PHACTR1: variants seen among roughly 807,000 people sequenced by gnomAD.
PHACTR1 encodes RPEL repeat containing 1.
Under a neutral mutation model 69.2 loss-of-function variants are expected in PHACTR1, and 16 were observed. The observed-to-expected ratio is 0.23, with a 90% CI of 0.16 to 0.35. The LOEUF (loss-of-function observed/expected upper bound fraction) is 0.35, where lower values mean the gene tolerates loss of function less well. Ranked by LOEUF, PHACTR1 falls within the 10% of genes least tolerant of loss-of-function variation. The probability of loss-of-function intolerance (pLI) is 1.00; values close to 1 mark genes in which losing one functional copy is unlikely to be tolerated. For missense variants in PHACTR1, 510 were observed against 734.7 expected, an observed-to-expected ratio of 0.69 and a Z score of 3.54; for synonymous variants, 312 against 284.5, an observed-to-expected ratio of 1.10 and a Z score of -0.97.
chr6:13,107,118 C>T (rs531268146), intron 5 of PHACTR1, among the ~76,000 whole-genome samples: 32 of 152,044 alleles, frequency 2.1e-4, no homozygotes, highest in African/African-American at 7.5e-4. Flanking sequence ...TACTCTCTTG[C>T]CCCTCTCTCA....
chr6:13,214,541 T>C (rs1470512508), intron 8 of PHACTR1, among the ~76,000 whole-genome samples: 1 of 152,212 alleles, frequency 6.6e-6, no homozygotes, highest in Admixed American at 6.5e-5. Context: ...CTAAGATCGC[T>C]AAGGTGTAGG....
intron 6 of PHACTR1, among the ~76,000 whole-genome samples, chr6:13,177,833 C>T (rs1475384367): frequency 6.6e-6 from 1 of 152,166 alleles, no homozygotes; most frequent in African/African-American, 2.4e-5. Context: ...GTTGTTTCTA[C>T]AAGTATCATA....
chr6:12,995,794 AT>A lies in PHACTR1; in HGVS notation c.251-57564del, dbSNP rs540889498. On this transcript the variant is annotated intron_variant, in intron 4 of 14. Transcript: ENST00000332995. ...AAAACTAATCCAAAATTATAAATGA[AT>A]TTTTTTAAGACACATTTTTTCACAG... Among the ~76,000 whole-genome samples, 733 of 152,098 alleles carry A rather than the reference AT, an allele frequency of 4.8e-3. 9 individuals are homozygous for A. The highest frequency in any genetic ancestry group is 0.016 in the African/African-American group (647 of 41,552).
chr6:13,189,127 A>G (rs540828571), intron 7 of PHACTR1, among the ~76,000 whole-genome samples: 33 of 152,364 alleles, frequency 2.2e-4, no homozygotes, highest in Admixed American at 1.2e-3. Flanking sequence ...AATGAAGGAT[A>G]AATCAATTTA....
rs1781883810 is a variant in PHACTR1 at position 13,287,322 on chromosome 6, T to C, written c.*244T>C. On this transcript the variant is annotated 3_prime_UTR_variant, in exon 15 of 15. Transcript: ENST00000332995. ...CAAAATGCATCCCAACCCCCGGCAG[T>C]GCCAAGGGCACCAGCAGGGCCCTGA... 1 of 544,466 alleles carries C rather than the reference T, an allele frequency of 1.8e-6. No homozygotes were observed. Among genetic ancestry groups the C allele is most frequent in the Admixed American group, 3.4e-5 (1 of 29,790 alleles). 33.7% of individuals were successfully genotyped at this position (544,466 alleles called of 1,614,324 possible).
intron 4 of PHACTR1, among the ~76,000 whole-genome samples, chr6:13,028,960 G>A (rs142811432): frequency 1.3e-5 from 2 of 152,310 alleles, no homozygotes; most frequent in African/African-American, 2.4e-5. Context: ...ATGAACACTG[G>A]CAGAGGGAAG....
intron 4 of PHACTR1, among the ~76,000 whole-genome samples, chr6:13,003,965 G>GTATATATATA (rs772804033): frequency 1.0e-4 from 10 of 96,300 alleles, no homozygotes; most frequent in African/African-American, 5.9e-4. Context: ...ATATATATAT[G>GTATATATATA]TATATATATA....
At chr6:12,802,048 A>G (rs1278883365) in intron 4 of PHACTR1, among the ~76,000 whole-genome samples, 2 of 147,500 alleles carry the variant, frequency 1.4e-5, no homozygotes, top group South Asian at 2.1e-4. Flanking sequence ...CTTTGAATTT[A>G]TATGCCCTTT....
Position 13,173,519 on chromosome 6 carries a change from T to C in PHACTR1, c.497-9000T>C, listed in dbSNP as rs115595733. On this transcript the variant is annotated intron_variant, in intron 6 of 14. Transcript: ENST00000332995. ...TGCCTCAGAAACATTTCCAACTTCT[T>C]AGGCTTAGAGCTTTTAATCCATCGA... 2.7e-3 allele frequency among the ~76,000 whole-genome samples: 405 copies of C among 152,342 alleles called. 3 individuals are homozygous for C. Among genetic ancestry groups the C allele is most frequent in the African/African-American group, 9.3e-3 (388 of 41,572 alleles).
chr6:13,227,906 T>C lies in PHACTR1; in HGVS notation c.1077T>C (p.Leu359=). 6.2e-7 allele frequency: 1 copy of C among 1,613,982 alleles called. No homozygotes were observed. The highest frequency in any genetic ancestry group is 8.5e-7 in the Non-Finnish European group (1 of 1,179,896). ...TCACCAAAGCAGGACCTATGGGCCT[T>C]CCAGAAATAAGACAAGTGCCAACTG... ...DGVTKAGPMG[L]PEIRQVPTVV... Residue 359 remains leucine, a synonymous_variant, in exon 9 of 15, where the codon CTT becomes CTC. Coordinates refer to ENST00000332995, the MANE Select transcript of PHACTR1 (RefSeq NM_030948.6).
chr6:13,168,150 A>C (rs1760085206), intron 6 of PHACTR1, among the ~76,000 whole-genome samples: 1 of 152,238 alleles, frequency 6.6e-6, no homozygotes. Context: ...TGGAGTAACC[A>C]TGTGAAAATG....
rs143148371 is a variant in PHACTR1 at position 12,769,269 on chromosome 6, C to T, written c.250+19479C>T. 1.2e-3 allele frequency among the ~76,000 whole-genome samples: 184 copies of T among 152,334 alleles called. 1 individual carries two copies. The highest frequency in any genetic ancestry group is 3.5e-3 in the African/African-American group (146 of 41,580). ...TAAAGTGGTGGGTACGGTAGTTGCC[C>T]TGATTTGATCATTCATGCTATGTAT... On this transcript the variant is annotated intron_variant, in intron 4 of 14. Coordinates refer to ENST00000332995, the MANE Select transcript of PHACTR1 (RefSeq NM_030948.6).
intron 4 of PHACTR1, among the ~76,000 whole-genome samples, chr6:12,891,299 G>T (rs1355465195): frequency 6.6e-6 from 1 of 151,868 alleles, no homozygotes; most frequent in African/African-American, 2.4e-5. Flanking sequence ...TGCTAAAGTG[G>T]GTAACATGAT....
intron 4 of PHACTR1, among the ~76,000 whole-genome samples, chr6:12,817,710 G>T (rs1469007669): frequency 1.3e-5 from 2 of 152,064 alleles, no homozygotes; most frequent in Non-Finnish European, 2.9e-5. Context: ...GGAAGATGTG[G>T]GTTATATTTT....
intron 5 of PHACTR1, among the ~76,000 whole-genome samples, chr6:13,061,803 T>A (rs1443812242): frequency 6.6e-6 from 1 of 152,154 alleles, no homozygotes; most frequent in African/African-American, 2.4e-5. Context: ...CTGGGAAAAA[T>A]TTTGTTTTTC....
At chr6:12,963,404 C>A (rs530584029) in intron 4 of PHACTR1, among the ~76,000 whole-genome samples, 13 of 150,572 alleles carry the variant, frequency 8.6e-5, no homozygotes, top group African/African-American at 2.9e-4. Flanking sequence ...CAGGAAAATG[C>A]AACATAAAGG....
intron 4 of PHACTR1, among the ~76,000 whole-genome samples, chr6:13,031,988 A>G (rs1247269444): frequency 6.6e-6 from 1 of 152,184 alleles, no homozygotes. Flanking sequence ...GTAAGAACAT[A>G]TGTAGTTTTC....
At position 12,815,078 on chromosome 6, in the gene PHACTR1, C is replaced by G. The variant is rs1775431302; in HGVS notation, c.250+65288C>G. On this transcript the variant is annotated intron_variant, in intron 4 of 14. Coordinates refer to ENST00000332995, the MANE Select transcript of PHACTR1 (RefSeq NM_030948.6). ...AAAAATCATGCTCAAAGAATCTGTT[C>G]TAATTGCTTTGCTTTGAGTTACAGT... 3.3e-5 allele frequency among the ~76,000 whole-genome samples: 5 copies of G among 152,166 alleles called. No individual in the cohort carries two copies. The South Asian group carries it at 1.0e-3, about 32-fold the overall frequency.
chr6:12,944,667 C>A (rs1379508388), intron 4 of PHACTR1, among the ~76,000 whole-genome samples: 1 of 152,162 alleles, frequency 6.6e-6, no homozygotes, highest in East Asian at 1.9e-4. Context: ...TGAACACCCA[C>A]TTTGCAAGCT....
Sources: gnomAD v4.1 joint callset for allele counts (sites outside exome capture counted in the v4.1 genomes callset) on GRCh38, gnomAD v4.1.1 for gene constraint, MANE v1.5 for transcripts, NCBI Gene and HGNC (gene_info 2026-07-23, HGNC 2026-07-21) for gene names.